CTNNA3: variants seen among roughly 807,000 people sequenced by gnomAD.
The protein encoded by CTNNA3 is catenin alpha 3.
Under a neutral mutation model 95.7 loss-of-function variants are expected in CTNNA3, and 76 were observed. The observed-to-expected ratio is 0.79, with a 90% CI of 0.66 to 0.96. The LOEUF is 0.96. Ranked by LOEUF, CTNNA3 falls within the 40% of genes least tolerant of loss-of-function variation. CTNNA3 has a pLI of 0.00. For missense variants in CTNNA3, 1,191 were observed against 1,089.8 expected (o/e 1.09, Z -1.31); for synonymous variants, 431 against 374.4 (o/e 1.15, Z -1.74).
At chr10:67,031,246 T>C (rs1853708327) in intron 7 of CTNNA3, among the ~76,000 whole-genome samples, 1 of 152,166 alleles carries the variant, frequency 6.6e-6, no homozygotes, top group Non-Finnish European at 1.5e-5. Flanking sequence ...GGTCCTTTCC[T>C]AGTAAAACTG....
At chr10:67,726,090 A>G (rs1479359321) in intron 1 of CTNNA3, among the ~76,000 whole-genome samples, 1 of 119,062 alleles carries the variant, frequency 8.4e-6, no homozygotes, top group Admixed American at 1.1e-4. Context: ...TATATATTAT[A>G]ATATATAATT....
At chr10:66,381,293 T>C (rs1201697561) in intron 11 of CTNNA3, among the ~76,000 whole-genome samples, 1 of 152,178 alleles carries the variant, frequency 6.6e-6, no homozygotes, top group Non-Finnish European at 1.5e-5. Flanking sequence ...TAGGCAAATG[T>C]TCCTGCCTCA....
rs147916322 is a variant in CTNNA3 at position 66,228,180 on chromosome 10, T to C, written c.1884+52290A>G. ...TTGTGCCTGTTTTGTTTATTTTTGC[T>C]CTGAATTTTATTATTTCTTTCTATC... On this transcript the variant is annotated intron_variant, in intron 13 of 17. Transcript: ENST00000433211. 9.5e-4 allele frequency among the ~76,000 whole-genome samples: 145 copies of C among 152,204 alleles called. 1 individual carries two copies. In the East Asian group the frequency reaches 0.027, roughly 29 times the overall value.
At chr10:67,310,707 A>G (rs1840755377) in intron 5 of CTNNA3, among the ~76,000 whole-genome samples, 1 of 152,218 alleles carries the variant, frequency 6.6e-6, no homozygotes, top group Non-Finnish European at 1.5e-5. Context: ...AAAGCAAAGC[A>G]GGGGAAAAGC....
At chr10:67,694,921 AT>A (rs1307251695) in intron 1 of CTNNA3, among the ~76,000 whole-genome samples, 1 of 152,224 alleles carries the variant, frequency 6.6e-6, no homozygotes, top group Non-Finnish European at 1.5e-5. Flanking sequence ...GAGGTAACAA[AT>A]GGGAATAACT....
chr10:66,256,960 T>A (rs1177921056), intron 13 of CTNNA3, among the ~76,000 whole-genome samples: 1 of 152,218 alleles, frequency 6.6e-6, no homozygotes, highest in African/African-American at 2.4e-5. Flanking sequence ...AAGAGGGTCA[T>A]CGGAAGAGCG....
intron 13 of CTNNA3, among the ~76,000 whole-genome samples, chr10:66,228,423 T>C (rs1213352952): frequency 2.0e-5 from 3 of 152,098 alleles, no homozygotes; most frequent in South Asian, 4.1e-4. Flanking sequence ...ATTAACTAAT[T>C]GACCATTCAG....
chr10:67,639,136 A>C (rs1589520518), intron 2 of CTNNA3, among the ~76,000 whole-genome samples: 1 of 152,180 alleles, frequency 6.6e-6, no homozygotes, highest in Non-Finnish European at 1.5e-5. Context: ...AAGAAAAAGA[A>C]GAATCAAATA....
intron 5 of CTNNA3, among the ~76,000 whole-genome samples, chr10:67,453,100 G>A (rs1006115500): frequency 1.3e-5 from 2 of 152,132 alleles, no homozygotes; most frequent in African/African-American, 4.8e-5. Flanking sequence ...GAGCACTACA[G>A]CCTGGGCACT....
chr10:67,221,836 A>C (rs537381744), intron 5 of CTNNA3, among the ~76,000 whole-genome samples: 3 of 152,240 alleles, frequency 2.0e-5, no homozygotes, highest in Admixed American at 1.3e-4. Context: ...GGCCTCCCAA[A>C]GTGGAAAAAT....
intron 13 of CTNNA3, among the ~76,000 whole-genome samples, chr10:66,117,068 G>C (rs1213433932): frequency 6.6e-6 from 1 of 152,104 alleles, no homozygotes; most frequent in Non-Finnish European, 1.5e-5. Flanking sequence ...CAGTCAATCT[G>C]TAGTGGCAGA....
intron 5 of CTNNA3, among the ~76,000 whole-genome samples, chr10:67,277,366 G>A (rs1176354185): frequency 2.0e-5 from 3 of 152,102 alleles, no homozygotes; most frequent in Non-Finnish European, 2.9e-5. Context: ...GTAAAATAGA[G>A]GGAAAAGAAA....
intron 11 of CTNNA3, among the ~76,000 whole-genome samples, chr10:66,432,823 G>GTCCTA (rs2093308368): frequency 6.7e-6 from 1 of 148,550 alleles, no homozygotes; most frequent in Non-Finnish European, 1.5e-5. Flanking sequence ...CCCCCAACAG[G>GTCCTA]GTATGTGATG....
intron 11 of CTNNA3, among the ~76,000 whole-genome samples, chr10:66,490,265 T>G (rs1839877954): frequency 6.6e-6 from 1 of 152,160 alleles, no homozygotes. Flanking sequence ...TATTTTTTCA[T>G]AATATTTTTC....
intron 7 of CTNNA3, among the ~76,000 whole-genome samples, chr10:67,048,248 G>A (rs1854872470): frequency 6.6e-6 from 1 of 151,968 alleles, no homozygotes; most frequent in Non-Finnish European, 1.5e-5. Flanking sequence ...TATAAACGAG[G>A]AAGAAAATTC....
At chr10:67,104,750 T>C (rs905979195) in intron 7 of CTNNA3, among the ~76,000 whole-genome samples, 14 of 152,002 alleles carry the variant, frequency 9.2e-5, no homozygotes, top group Admixed American at 7.2e-4. Flanking sequence ...CATACTTCTA[T>C]AATACACACA....
At chr10:67,225,240 G>A (rs1864849306) in intron 5 of CTNNA3, among the ~76,000 whole-genome samples, 1 of 152,122 alleles carries the variant, frequency 6.6e-6, no homozygotes, top group African/African-American at 2.4e-5. Flanking sequence ...GACAGTCTCA[G>A]CTCAGACACG....
intron 12 of CTNNA3, among the ~76,000 whole-genome samples, chr10:66,330,528 C>G (rs1324240436): frequency 6.6e-6 from 1 of 152,062 alleles, no homozygotes; most frequent in Non-Finnish European, 1.5e-5. Context: ...CCACAGTAAA[C>G]ATACGTGTGC....
At chr10:67,224,054 T>C (rs1210751594) in intron 5 of CTNNA3, among the ~76,000 whole-genome samples, 1 of 152,220 alleles carries the variant, frequency 6.6e-6, no homozygotes, top group Non-Finnish European at 1.5e-5. Context: ...TATTAATCAA[T>C]ATATCCATCA....
Sources: gnomAD v4.1 joint callset for allele counts (sites outside exome capture counted in the v4.1 genomes callset) on GRCh38, gnomAD v4.1.1 for gene constraint, MANE v1.5 for transcripts, NCBI Gene and HGNC (gene_info 2026-07-23, HGNC 2026-07-21) for gene names.